Variants in COP1 observed in about 807,000 individuals in gnomAD.
COP1 encodes COP1 E3 ubiquitin ligase.
In COP1, 24 loss-of-function variants were observed where a neutral mutation model predicts 101.3. The ratio of observed to expected loss-of-function variants is 0.24; its 90% CI spans 0.17 to 0.33. COP1 has a LOEUF of 0.33. Among genes scored for constraint, COP1 ranks in the 10% least tolerant of loss-of-function variants. The probability of loss-of-function intolerance (pLI) is 1.00; values close to 1 mark genes in which losing one functional copy is unlikely to be tolerated. For synonymous variants in COP1, 347 were observed against 341.9 expected, an observed-to-expected ratio of 1.01 and a Z score of -0.17; for missense variants, 663 against 906.2, an observed-to-expected ratio of 0.73 and a Z score of 3.45.
Position 176,085,841 on chromosome 1 carries a change from C to T in COP1, c.1076G>A (p.Arg359Gln), listed in dbSNP as rs1428638489. 4 of 1,607,860 alleles carry T rather than the reference C, an allele frequency of 2.5e-6. No individual in the cohort carries two copies. Among genetic ancestry groups the T allele is most frequent in the African/African-American group, 1.3e-5 (1 of 74,854 alleles). Residue 359 changes from arginine to glutamine, a missense_variant, in exon 10 of 20, where the codon CGA becomes CAA. Arg to Gln is a conservative substitution (Grantham distance 43). Around this residue, in one of 4 missense-constraint regions of COP1, gnomAD observed 212 missense variants for 240.7 expected, o/e 0.88. Transcript: ENST00000367669. ...CAAGTCTTCAAAATGAGCAGTAAGT[C>T]GTTTTCGTCTTGATGCTAACGTGCT... is the stretch of plus-strand genomic sequence containing the variant. ...YNSTLASRRK[R>Q]LTAHFEDLEQ...
At chr1:176,059,870 C>T (rs1348261324) in intron 11 of COP1, among the ~76,000 whole-genome samples, 8 of 152,092 alleles carry the variant, frequency 5.3e-5, no homozygotes, top group Non-Finnish European at 1.2e-4. Flanking sequence ...AAAGTATTAT[C>T]CTTTGTATTT....
At chr1:176,170,692 T>C (rs1222045934) in intron 3 of COP1, among the ~76,000 whole-genome samples, 3 of 152,314 alleles carry the variant, frequency 2.0e-5, no homozygotes, top group African/African-American at 4.8e-5. Context: ...ATTTTCAAAA[T>C]GGTAAATGAG....
intron 8 of COP1, 87 bp downstream of exon 8, chr1:176,134,923 A>G: frequency 2.2e-6 from 2 of 915,828 alleles, no homozygotes; most frequent in South Asian, 3.0e-5. Flanking sequence ...GGTTTCATAC[A>G]CTGCATGGAA....
At chr1:175,998,291 T>C (rs966961700) in intron 15 of COP1, among the ~76,000 whole-genome samples, 5 of 148,292 alleles carry the variant, frequency 3.4e-5, no homozygotes, top group Admixed American at 2.0e-4. Flanking sequence ...AAGGGGAACA[T>C]CACACTCTGG....
At chr1:176,168,450 A>T (rs1412593835) in intron 3 of COP1, among the ~76,000 whole-genome samples, 1 of 139,498 alleles carries the variant, frequency 7.2e-6, no homozygotes, top group Non-Finnish European at 1.5e-5. Context: ...GAAAGGGAAG[A>T]AGGAAGCGAG....
At chr1:176,008,817 G>T (rs1664060105) in intron 15 of COP1, among the ~76,000 whole-genome samples, 1 of 152,224 alleles carries the variant, frequency 6.6e-6, no homozygotes, top group African/African-American at 2.4e-5. Context: ...TGGAGCCACT[G>T]ACATCTTTAA....
intron 15 of COP1, among the ~76,000 whole-genome samples, chr1:176,013,975 T>C (rs772525790): frequency 5.3e-5 from 8 of 152,232 alleles, no homozygotes; most frequent in Non-Finnish European, 1.0e-4. Flanking sequence ...TTCCAATAAG[T>C]GCTCTTTTAA....
chr1:176,048,296 G>C (rs1199683498), intron 11 of COP1, among the ~76,000 whole-genome samples: 3 of 144,846 alleles, frequency 2.1e-5, no homozygotes, highest in African/African-American at 7.6e-5. Flanking sequence ...GCCTCCCAAA[G>C]TGCTGGGATT....
chr1:175,956,232 T>TA (rs374948295), intron 18 of COP1, among the ~76,000 whole-genome samples: 19 of 148,768 alleles, frequency 1.3e-4, no homozygotes, highest in African/African-American at 3.7e-4. Flanking sequence ...CTTGGCAAGT[T>TA]AAAAAAAAAA....
intron 1 of COP1, among the ~76,000 whole-genome samples, chr1:176,191,302 T>C (rs535188668): frequency 1.1e-4 from 17 of 152,138 alleles, no homozygotes; most frequent in African/African-American, 3.9e-4. Flanking sequence ...ATATGCATCA[T>C]TGTGATTATG....
intron 2 of COP1, among the ~76,000 whole-genome samples, chr1:176,179,297 A>G (rs974964630): frequency 2.6e-5 from 4 of 152,284 alleles, no homozygotes; most frequent in African/African-American, 9.6e-5. Flanking sequence ...CTCAAAAAAA[A>G]AAAAAATTAC....
At chr1:176,034,325 T>G (rs1447306497) in intron 14 of COP1, among the ~76,000 whole-genome samples, 6 of 152,158 alleles carry the variant, frequency 3.9e-5, no homozygotes, top group Non-Finnish European at 5.9e-5. Flanking sequence ...ACTCTTTTTC[T>G]CCTCCAACTT....
chr1:176,037,411 A>T (rs1669756560), intron 14 of COP1, among the ~76,000 whole-genome samples: 1 of 151,936 alleles, frequency 6.6e-6, no homozygotes, highest in Non-Finnish European at 1.5e-5. Context: ...CGTCTCAAAA[A>T]AAAAAAGTAT....
chr1:176,168,183 G>A (rs987954584), intron 3 of COP1, among the ~76,000 whole-genome samples: 2 of 151,604 alleles, frequency 1.3e-5, no homozygotes, highest in Admixed American at 6.6e-5. Context: ...TCAGCCTCCC[G>A]AGTAGCTGGG....
intron 15 of COP1, among the ~76,000 whole-genome samples, chr1:176,001,632 C>T (rs1159534122): frequency 1.3e-5 from 2 of 152,062 alleles, no homozygotes; most frequent in Non-Finnish European, 2.9e-5. Context: ...AATAAAAATT[C>T]TTTACAAAAA....
At chr1:176,085,629 T>C (rs1679993906) in intron 10 of COP1, 147 bp downstream of exon 10, 1 of 440,266 alleles carries the variant, frequency 2.3e-6, no homozygotes, top group East Asian at 3.2e-5. Flanking sequence ...CTAAGATCAC[T>C]AAGAACCTCC....
chr1:176,118,338 A>G (rs1299330839), intron 8 of COP1, among the ~76,000 whole-genome samples: 6 of 152,250 alleles, frequency 3.9e-5, no homozygotes, highest in African/African-American at 9.6e-5. Context: ...GAATCTGTCT[A>G]CACAGCAGTC....
intron 18 of COP1, among the ~76,000 whole-genome samples, chr1:175,951,948 T>C (rs1311486472): frequency 6.6e-6 from 1 of 152,172 alleles, no homozygotes; most frequent in Non-Finnish European, 1.5e-5. Flanking sequence ...TAACAATTTC[T>C]GGCAGAAAGA....
intron 9 of COP1, among the ~76,000 whole-genome samples, chr1:176,111,790 A>G (rs181677895): frequency 1.1e-3 from 167 of 152,116 alleles, no homozygotes; most frequent in Non-Finnish European, 1.8e-3. Flanking sequence ...ACTATCCACT[A>G]TTTCAATTGT....
Sources: allele counts gnomAD v4.1 joint callset (sites outside exome capture counted in the v4.1 genomes callset), GRCh38; gene constraint gnomAD v4.1.1; regional missense constraint gnomAD v4.1.1; transcripts MANE v1.5; gene names NCBI Gene and HGNC (gene_info 2026-07-23, HGNC 2026-07-21).